Variants in SIK2 observed in about 807,000 individuals in gnomAD.
SIK2 encodes serine/threonine-protein kinase SIK2.
In SIK2, 29 loss-of-function variants were observed where a neutral mutation model predicts 103.2. That is an observed-to-expected ratio of 0.28 (90% CI 0.21 to 0.38). The LOEUF is 0.38. Ranked by LOEUF, SIK2 falls within the 10% of genes least tolerant of loss-of-function variation. The pLI is 1.00. For missense variants in SIK2, 879 were observed against 1,171.0 expected (o/e 0.75, Z 3.64); for synonymous variants, 412 against 446.1 (o/e 0.92, Z 0.96).
At chr11:111,686,697 T>A (rs1380255690) in intron 3 of SIK2, among the ~76,000 whole-genome samples, 1 of 152,236 alleles carries the variant, frequency 6.6e-6, no homozygotes, top group Non-Finnish European at 1.5e-5. Context: ...TGGTAATGTT[T>A]AGTTTTATTG....
rs555684008 is a variant in SIK2, at chr11:111,630,024, T to G, written c.316+9622T>G. The stretch of plus-strand genomic sequence containing the variant: ...AAAACGATTTTGAGAAGAATGCAAA[T>G]TTTTATAGCAGCCTTTTTTCACAGT... On this transcript the variant is annotated intron_variant, in intron 3 of 14. Transcript: ENST00000304987. 2.6e-4 allele frequency among the ~76,000 whole-genome samples: 40 copies of G among 152,278 alleles called. 1 individual carries two copies. Among genetic ancestry groups the G allele is most frequent in the Admixed American group, 2.4e-3 (36 of 15,300 alleles).
At chr11:111,691,304 GAC>G (rs1219601133) in intron 4 of SIK2, among the ~76,000 whole-genome samples, 1 of 152,152 alleles carries the variant, frequency 6.6e-6, no homozygotes, top group Non-Finnish European at 1.5e-5. Context: ...CTCTGGTGAA[GAC>G]AGTGTGATGA....
At chr11:111,685,880 G>T (rs1213306630) in intron 3 of SIK2, among the ~76,000 whole-genome samples, 4 of 152,104 alleles carry the variant, frequency 2.6e-5, no homozygotes, top group African/African-American at 9.6e-5. Context: ...AAAATAAAAG[G>T]ATGGTTAGGA....
At chr11:111,633,198 G>A (rs144044907) in intron 3 of SIK2, among the ~76,000 whole-genome samples, 47 of 152,274 alleles carry the variant, frequency 3.1e-4, no homozygotes, top group African/African-American at 1.1e-3. Flanking sequence ...TGAAGTTCCA[G>A]CTCTTCAGTC....
intron 3 of SIK2, among the ~76,000 whole-genome samples, chr11:111,661,707 G>A (rs1260822172): frequency 6.6e-6 from 1 of 152,226 alleles, no homozygotes; most frequent in Non-Finnish European, 1.5e-5. Context: ...GGCCAGGGAG[G>A]CCTTACAATC....
chr11:111,698,643 G>C (rs140319766), intron 4 of SIK2, among the ~76,000 whole-genome samples: 1 of 152,166 alleles, frequency 6.6e-6, no homozygotes, highest in Non-Finnish European at 1.5e-5. Flanking sequence ...GTTGAGGTGC[G>C]AGGACTGCAG....
At chr11:111,616,872 T>C (rs941582140) in intron 2 of SIK2, among the ~76,000 whole-genome samples, 4 of 152,120 alleles carry the variant, frequency 2.6e-5, no homozygotes, top group African/African-American at 9.7e-5. Flanking sequence ...TACGCTGCTT[T>C]TTAACTGCAG....
At chr11:111,693,708 A>G (rs1280955415) in intron 4 of SIK2, among the ~76,000 whole-genome samples, 2 of 152,186 alleles carry the variant, frequency 1.3e-5, no homozygotes, top group African/African-American at 4.8e-5. Flanking sequence ...GCTGGTGCAA[A>G]TTCTGTCTGT....
At chr11:111,622,247 C>CTTTTTTTT (rs71057079) in intron 3 of SIK2, among the ~76,000 whole-genome samples, 2 of 61,456 alleles carry the variant, frequency 3.3e-5, no homozygotes, top group African/African-American at 1.4e-4. Context: ...ATTTTCTTTT[C>CTTTTTTTT]TTTTTTTTTT....
At chr11:111,646,972 G>A (rs1942265632) in intron 3 of SIK2, among the ~76,000 whole-genome samples, 1 of 152,136 alleles carries the variant, frequency 6.6e-6, no homozygotes, top group South Asian at 2.1e-4. Flanking sequence ...TCTCTTGGTT[G>A]AATACTTGGG....
intron 4 of SIK2, among the ~76,000 whole-genome samples, chr11:111,694,910 T>C (rs533041697): frequency 1.3e-5 from 2 of 152,344 alleles, no homozygotes; most frequent in Admixed American, 1.3e-4. Context: ...ATGTCTTACA[T>C]TGGTCAGCAG....
At chr11:111,634,300 C>A (rs1942077121) in intron 3 of SIK2, among the ~76,000 whole-genome samples, 1 of 152,220 alleles carries the variant, frequency 6.6e-6, no homozygotes, top group African/African-American at 2.4e-5. Flanking sequence ...ACTTAGAGAA[C>A]CTGAGGGACA....
rs2135894450 is a variant in SIK2, at chr11:111,688,250, C to T, written c.478+88C>T. On this transcript the variant is annotated intron_variant, in intron 4 of 14. Coordinates refer to ENST00000304987, the MANE Select transcript of SIK2 (RefSeq NM_015191.3). This position sits in a 1 kb window ranked among gnomAD's most constrained non-coding sequence, Gnocchi z 4.2. ...AACAGACCTGCAGGCGCAGATTCAG[C>T]AGCATTTCTACCTGATGACATCAGG... 1.5e-6 allele frequency: 2 copies of T among 1,337,146 alleles called. No individual in the cohort carries two copies. Among genetic ancestry groups the T allele is most frequent in the East Asian group, 4.6e-5 (2 of 43,352 alleles). 82.8% of individuals were successfully genotyped at this position (1,337,146 alleles called of 1,614,324 possible).
At chr11:111,721,109 G>C (rs1223966062) in intron 12 of SIK2, 47 bp downstream of exon 12, 1 of 1,568,148 alleles carries the variant, frequency 6.4e-7, no homozygotes, top group African/African-American at 1.4e-5. Context: ...AGGATGAGGT[G>C]TGAGTTTGTC....
intron 1 of SIK2, among the ~76,000 whole-genome samples, chr11:111,610,098 G>A (rs1941699796): frequency 6.6e-6 from 1 of 152,084 alleles, no homozygotes; most frequent in Non-Finnish European, 1.5e-5. Flanking sequence ...TTTAATCTGT[G>A]GATTTATAGA....
intron 8 of SIK2, among the ~76,000 whole-genome samples, chr11:111,709,132 A>G (rs1405262662): frequency 2.0e-5 from 3 of 152,210 alleles, no homozygotes; most frequent in Admixed American, 6.5e-5. Flanking sequence ...AATCAGGATG[A>G]GGGTGCCATG....
Position 111,722,675 on chromosome 11 carries a change from T to G in SIK2, c.2066T>G (p.Leu689Arg). Residue 689 changes from leucine to arginine, a missense_variant, in exon 14 of 15, where the codon CTT (leucine) becomes CGT (arginine). Around this residue, in one of 7 missense-constraint regions of SIK2, gnomAD observed 375 missense variants for 416.3 expected, o/e 0.90. Transcript: ENST00000304987. This position sits in a 1 kb window ranked among gnomAD's most constrained non-coding sequence, Gnocchi z 4.4. ...TTTCTGCTCTTCCAGAAGCCCAGCC[T>G]TCTGTCAAAGGCCCAGAACACCTGT... ...YLQHRLQKPSLLSKAQNTCQL... is the reference protein window; with the variant it reads ...YLQHRLQKPSRLSKAQNTCQL... 1 of 1,613,922 alleles carries G rather than the reference T, an allele frequency of 6.2e-7. No homozygotes were observed.
intron 2 of SIK2, among the ~76,000 whole-genome samples, chr11:111,617,192 T>A (rs1057073034): frequency 6.6e-6 from 1 of 152,172 alleles, no homozygotes; most frequent in African/African-American, 2.4e-5. Flanking sequence ...CAGGTGCAAT[T>A]TTGTTACCTG....
At chr11:111,656,538 C>T (rs918832679) in intron 3 of SIK2, among the ~76,000 whole-genome samples, 2 of 152,122 alleles carry the variant, frequency 1.3e-5, no homozygotes, top group African/African-American at 2.4e-5. Flanking sequence ...TAGTAGTTGT[C>T]GCCATTTTTT....
Sources: allele counts gnomAD v4.1 joint callset (sites outside exome capture counted in the v4.1 genomes callset), GRCh38; gene constraint gnomAD v4.1.1; regional missense constraint gnomAD v4.1.1; non-coding constraint Gnocchi (gnomAD v3.1); transcripts MANE v1.5; gene names NCBI Gene and HGNC (gene_info 2026-07-23, HGNC 2026-07-21).